Variants in DENND2B observed in about 807,000 individuals in gnomAD.
DENND2B encodes the protein DENN domain containing 2B.
Under a neutral mutation model 116.0 loss-of-function variants are expected in DENND2B, and 32 were observed. That is an observed-to-expected ratio of 0.28 (90% CI 0.21 to 0.37). The LOEUF (loss-of-function observed/expected upper bound fraction) is 0.37, where lower values mean the gene tolerates loss of function less well. DENND2B is among the 10% of genes least tolerant of loss of function. DENND2B has a pLI of 1.00. For synonymous variants in DENND2B, 588 were observed against 583.9 expected (o/e 1.01, Z -0.10); for missense variants, 1,276 against 1,477.7 (o/e 0.86, Z 2.24).
At position 8,893,887 on chromosome 11, in the gene DENND2B, G is replaced by T. The variant is rs1302287075; in HGVS notation, c.-255-12778C>A. 3.3e-5 allele frequency among the ~76,000 whole-genome samples: 5 copies of T among 152,064 alleles called. No individual in the cohort carries two copies. In the East Asian group the frequency reaches 9.7e-4, roughly 29 times the overall value. On this transcript the variant is annotated intron_variant, in intron 1 of 22. Transcript: ENST00000534127. ...ACCAACGACTTTCTTCACAGAATTG[G>T]AAAAAACTACTGTAAAGTTCATATG...
intron 2 of DENND2B, among the ~76,000 whole-genome samples, chr11:8,735,076 G>A (rs1466989294): frequency 6.6e-6 from 1 of 152,058 alleles, no homozygotes; most frequent in Non-Finnish European, 1.5e-5. Context: ...TGGAAAGGTG[G>A]AGTCTATTGC....
At chr11:8,845,319 G>C (rs1177071550) in intron 3 of DENND2B, 5 of 152,158 alleles carry the variant, frequency 3.3e-5, no homozygotes, top group South Asian at 2.1e-4. Flanking sequence ...AAGCTAAGCA[G>C]GGTCAGGCCC....
At chr11:8,711,001 G>A (rs1477097279) in intron 10 of DENND2B, 87 bp from the exon 11 acceptor site, 1 of 1,575,292 alleles carries the variant, frequency 6.3e-7, no homozygotes, top group Non-Finnish European at 8.7e-7. Context: ...TTTTCACGTG[G>A]GGTGAAGGGC....
At chr11:8,805,336 C>T (rs547325982) in intron 1 of DENND2B, among the ~76,000 whole-genome samples, 5 of 152,322 alleles carry the variant, frequency 3.3e-5, no homozygotes, top group African/African-American at 1.2e-4. Flanking sequence ...ATTTTAAAAC[C>T]ATCTACAATA....
chr11:8,729,352 A>G (rs1240005386), intron 3 of DENND2B, among the ~76,000 whole-genome samples: 3 of 152,096 alleles, frequency 2.0e-5, no homozygotes, highest in East Asian at 1.9e-4. Context: ...CAGGAAACCA[A>G]CGTGAGCCTC....
At chr11:8,895,367 G>A (rs935160904) in intron 1 of DENND2B, among the ~76,000 whole-genome samples, 1 of 152,128 alleles carries the variant, frequency 6.6e-6, no homozygotes, top group Non-Finnish European at 1.5e-5. Flanking sequence ...TGCACGTTGT[G>A]CACATGTACC....
intron 3 of DENND2B, among the ~76,000 whole-genome samples, chr11:8,851,077 A>G (rs938056107): frequency 6.6e-6 from 1 of 152,174 alleles, no homozygotes. Context: ...TTTCAGAGAG[A>G]TAGGAGGAAT....
At chr11:8,697,730 C>A in intron 16 of DENND2B, 94 bp from the exon 17 acceptor site, 1 of 794,062 alleles carries the variant, frequency 1.3e-6, no homozygotes, top group East Asian at 2.6e-5. Flanking sequence ...TAGATAATCT[C>A]ATTTATCTCT....
chr11:8,796,354 C>T (rs1331282537), intron 1 of DENND2B, among the ~76,000 whole-genome samples: 1 of 152,120 alleles, frequency 6.6e-6, no homozygotes, highest in Admixed American at 6.5e-5. Context: ...CCAGCCTGGC[C>T]AACATGGTGA....
intron 1 of DENND2B, chr11:8,785,227 G>GC (rs1422103990): frequency 6.6e-6 from 1 of 152,086 alleles, no homozygotes; most frequent in African/African-American, 2.4e-5. Context: ...TCATCCCCAG[G>GC]CCCCAAATCC....
intron 2 of DENND2B, among the ~76,000 whole-genome samples, chr11:8,862,625 G>T (rs762714534): frequency 1.1e-4 from 17 of 152,274 alleles, no homozygotes; most frequent in Middle Eastern, 3.4e-3. Flanking sequence ...GAGTGCCACA[G>T]TGCCTGGCCA....
In DENND2B at chr11:8,712,377, C is replaced by G. The variant is rs2043911990; in HGVS notation, c.2172+174G>C. Among the ~76,000 whole-genome samples, 1 of 152,182 alleles carries G rather than the reference C, an allele frequency of 6.6e-6. No homozygotes were observed. Among genetic ancestry groups the G allele is most frequent in the African/African-American group, 2.4e-5 (1 of 41,436 alleles). ...CTTTGAACAAGCACTGGCCCAAACC[C>G]ACCCCCGCTGCAGCCCTGTCTTCCC... On this transcript the variant is annotated intron_variant, in intron 9 of 19. Coordinates refer to ENST00000313726, the MANE Select transcript of DENND2B (RefSeq NM_213618.2). The surrounding 1 kb of genome is among the most constrained non-coding windows in gnomAD (Gnocchi z 4.4).
intron 2 of DENND2B, among the ~76,000 whole-genome samples, chr11:8,740,973 A>G (rs1183883368): frequency 2.6e-5 from 4 of 152,244 alleles, no homozygotes; most frequent in Non-Finnish European, 5.9e-5. Flanking sequence ...TTGCCCAGTA[A>G]CAAGACATAG....
At chr11:8,844,071 G>T (rs901166964) in intron 3 of DENND2B, among the ~76,000 whole-genome samples, 8 of 152,162 alleles carry the variant, frequency 5.3e-5, no homozygotes, top group African/African-American at 1.9e-4. Context: ...TAGTAAAGAC[G>T]TACTTTCTGC....
At chr11:8,866,369 A>G (rs2134693973) in intron 2 of DENND2B, among the ~76,000 whole-genome samples, 1 of 152,350 alleles carries the variant, frequency 6.6e-6, no homozygotes, top group South Asian at 2.1e-4. Context: ...TATGTAAGCA[A>G]TGCATCAAAA....
intron 2 of DENND2B, among the ~76,000 whole-genome samples, chr11:8,877,117 T>G (rs2063851503): frequency 6.8e-6 from 1 of 146,210 alleles, no homozygotes; most frequent in Non-Finnish European, 1.5e-5. Context: ...TTTTTTTTTT[T>G]TTTTGAGACG....
At chr11:8,811,959 G>A (rs566246647), upstream of DENND2B, among the ~76,000 whole-genome samples, 2 of 152,064 alleles carry the variant, frequency 1.3e-5, no homozygotes, top group Admixed American at 1.3e-4. Flanking sequence ...GGCTGGTTTT[G>A]AACTCCTGGC....
At position 8,740,318 on chromosome 11, in the gene DENND2B, A is replaced by AAC. The variant is rs2049977934; in HGVS notation, c.81-9111_81-9110dup. Among the ~76,000 whole-genome samples the AAC allele has an allele frequency of 2.6e-5, 4 of 152,326 alleles. No homozygotes were observed. The South Asian group carries it at 8.3e-4, about 32-fold the overall frequency. On this transcript the variant is annotated intron_variant, in intron 2 of 19. Coordinates refer to ENST00000313726, the MANE Select transcript of DENND2B (RefSeq NM_213618.2). ...ATTCCCTCTGGCACTGTCTCACAGG[A>AAC]ACACGCCCCAATCCCTGGGCTAGTG...
At chr11:8,747,767 G>T (rs1275961625) in intron 2 of DENND2B, among the ~76,000 whole-genome samples, 5 of 152,198 alleles carry the variant, frequency 3.3e-5, no homozygotes, top group Non-Finnish European at 7.3e-5. Flanking sequence ...GAACAAAACT[G>T]AGGCAGTCAC....
Sources: gnomAD v4.1 joint callset for allele counts (sites outside exome capture counted in the v4.1 genomes callset) on GRCh38, gnomAD v4.1.1 for gene constraint, Gnocchi (gnomAD v3.1) non-coding constraint, MANE v1.5 for transcripts, NCBI Gene and HGNC (gene_info 2026-07-23, HGNC 2026-07-21) for gene names.